Variants in COL27A1 observed in about 807,000 individuals in gnomAD.
COL27A1 encodes collagen alpha-1(XXVII) chain.
COL27A1 carries 106 observed loss-of-function variants against 251.3 expected under a neutral mutation model. The observed-to-expected ratio is 0.42, with a 90% CI of 0.36 to 0.50. The LOEUF (loss-of-function observed/expected upper bound fraction) is 0.50. Among genes scored for constraint, COL27A1 ranks in the 20% least tolerant of loss-of-function variants. The pLI is 0.00. For missense variants in COL27A1, 2,325 were observed against 2,522.8 expected, an observed-to-expected ratio of 0.92 and a Z score of 1.68; for synonymous variants, 1,000 against 986.3, an observed-to-expected ratio of 1.01 and a Z score of -0.26.
intron 5 of COL27A1, among the ~76,000 whole-genome samples, chr9:114,184,484 C>G (rs540213540): frequency 3.7e-4 from 56 of 152,308 alleles, no homozygotes; most frequent in African/African-American, 1.3e-3. Flanking sequence ...CTGGCCTCAG[C>G]CCCTCTAGAT....
intron 4 of COL27A1, among the ~76,000 whole-genome samples, chr9:114,182,175 T>TAAAATAATAATAATAAAATAATA (rs1827969458): frequency 4.6e-5 from 2 of 43,910 alleles, no homozygotes; most frequent in Non-Finnish European, 1.2e-4. Flanking sequence ...TCCATCTCTA[T>TAAAATAATAATAATAAAATAATA]AAAATAATAA....
intron 12 of COL27A1, among the ~76,000 whole-genome samples, chr9:114,212,732 A>AGTAT (rs57336301): frequency 0.077 from 11,656 of 152,288 alleles, 493 homozygotes; most frequent in African/African-American, 0.1. Flanking sequence ...TGGGGACAAT[A>AGTAT]GTATGGCTCA....
intron 3 of COL27A1, among the ~76,000 whole-genome samples, chr9:114,173,719 G>A (rs1280645639): frequency 6.6e-6 from 1 of 151,988 alleles, no homozygotes; most frequent in East Asian, 1.9e-4. Context: ...GGGGAGGGGA[G>A]TAAAGCACAT....
intron 24 of COL27A1, among the ~76,000 whole-genome samples, chr9:114,248,154 C>A (rs1323428984): frequency 6.6e-6 from 1 of 152,190 alleles, no homozygotes; most frequent in African/African-American, 2.4e-5. Flanking sequence ...CCAATGCCTG[C>A]CTCGAGGGCT....
chr9:114,287,906 G>A (rs1188963464), intron 41 of COL27A1, among the ~76,000 whole-genome samples: 3 of 152,184 alleles, frequency 2.0e-5, no homozygotes, highest in Non-Finnish European at 4.4e-5. Context: ...AATCGCATCT[G>A]CTTCACAGCA....
At chr9:114,228,977 A>G (rs1831724207) in intron 14 of COL27A1, among the ~76,000 whole-genome samples, 1 of 152,066 alleles carries the variant, frequency 6.6e-6, no homozygotes, top group Non-Finnish European at 1.5e-5. Context: ...ATGCATCACC[A>G]TGTCCAGCTA....
Position 114,169,131 on chromosome 9 carries a change from C to A in COL27A1, c.1576C>A (p.Pro526Thr). 2 of 1,614,172 alleles carry A rather than the reference C, an allele frequency of 1.2e-6. No homozygotes were observed. The highest frequency in any genetic ancestry group is 8.5e-7 in the Non-Finnish European group (1 of 1,180,030). ...CAGAACAGCACCTGCCGTCCCCACT[C>A]CTGGCTCAGCTCCCACTGGAAGCAA... is the stretch of plus-strand genomic sequence containing the variant. ...TPRTAPAVPTPGSAPTGSKKP... is the reference protein window; with the variant it reads ...TPRTAPAVPTTGSAPTGSKKP... Residue 526 changes from proline to threonine, a missense_variant, in exon 3 of 61, where the codon CCT becomes ACT. Pro to Thr is a conservative substitution (Grantham distance 38). This residue lies in a region of COL27A1 where 1,183 missense variants were observed against 1,144.1 expected (regional missense o/e 1.03). Coordinates refer to ENST00000356083, the MANE Select transcript of COL27A1 (RefSeq NM_032888.4).
chr9:114,291,866 G>A (rs1186127850), intron 48 of COL27A1, among the ~76,000 whole-genome samples: 1 of 152,180 alleles, frequency 6.6e-6, no homozygotes, highest in Admixed American at 6.5e-5. Flanking sequence ...GGAATTGTGG[G>A]AGAGGAGAGG....
At chr9:114,188,400 C>T (rs1435267334) in intron 5 of COL27A1, among the ~76,000 whole-genome samples, 1 of 152,142 alleles carries the variant, frequency 6.6e-6, no homozygotes, top group Non-Finnish European at 1.5e-5. Flanking sequence ...CAAGTCTCAT[C>T]TCCCACCTCA....
At chr9:114,245,164 T>G (rs1354301700) in intron 23 of COL27A1, among the ~76,000 whole-genome samples, 6 of 143,856 alleles carry the variant, frequency 4.2e-5, no homozygotes, top group East Asian at 2.0e-4. Context: ...TTTTTTTTTT[T>G]TTTTTTTTTT....
chr9:114,197,832 C>T (rs143105306), intron 7 of COL27A1, among the ~76,000 whole-genome samples: 6 of 152,220 alleles, frequency 3.9e-5, no homozygotes, highest in Admixed American at 6.5e-5. Flanking sequence ...AGAAGAGTTT[C>T]GTCTGTGGCA....
intron 29 of COL27A1, 61 bp from the exon 30 acceptor site, chr9:114,264,862 CT>C: frequency 1.9e-6 from 3 of 1,549,906 alleles, no homozygotes; most frequent in Non-Finnish European, 1.8e-6. Flanking sequence ...GGAGGGGTCC[CT>C]TTTTGGGGAA....
Position 114,155,847 on chromosome 9 carries a change from C to T in COL27A1, c.-104C>T, listed in dbSNP as rs1187952095. 3.2e-6 allele frequency: 3 copies of T among 923,228 alleles called. No individual in the cohort carries two copies. Among genetic ancestry groups the T allele is most frequent in the Non-Finnish European group, 3.9e-6 (3 of 765,582 alleles). The allele number at this position is 923,228 out of a possible 1,614,324, so 57.2% of individuals were successfully genotyped here. A position where few individuals can be genotyped will look rare whatever the true frequency, so the allele number is the denominator to read the frequency against. On this transcript the variant is annotated 5_prime_UTR_variant, in exon 1 of 61. Coordinates refer to ENST00000356083, the MANE Select transcript of COL27A1 (RefSeq NM_032888.4). This position sits in a 1 kb window ranked among gnomAD's most constrained non-coding sequence, Gnocchi z 5.5. ...GGCTGCGCTGGGGGCGCGGGGGCCG[C>T]GCGCTCTAAGCCGGCCTGGCGCGGC...
chr9:114,258,102 C>T (rs181358720), intron 27 of COL27A1, among the ~76,000 whole-genome samples: 41 of 152,228 alleles, frequency 2.7e-4, no homozygotes, highest in South Asian at 2.1e-4. Context: ...GAGGCTGAGG[C>T]GGGGGGATCA....
intron 1 of COL27A1, 60 bp from the exon 2 acceptor site, chr9:114,162,655 G>A (rs560601394): frequency 2.2e-5 from 28 of 1,280,114 alleles, no homozygotes; most frequent in African/African-American, 1.8e-4. Context: ...TTCCCCAGCC[G>A]GATCCGGGTG....
chr9:114,301,026 C>T, intron 51 of COL27A1, 46 bp from the exon 52 acceptor site: 2 of 1,555,848 alleles, frequency 1.3e-6, no homozygotes, highest in Non-Finnish European at 1.7e-6. Context: ...GTGTCTGTTC[C>T]CCAGGCCCTG....
chr9:114,270,599 C>T (rs1205888103), intron 35 of COL27A1, 129 bp from the exon 36 acceptor site: 1 of 662,620 alleles, frequency 1.5e-6, no homozygotes, highest in Non-Finnish European at 2.6e-6. Context: ...TGTGCCAGGG[C>T]CCCCAGGGTC....
At position 114,197,850 on chromosome 9, in the gene COL27A1, G is replaced by A. The variant is rs115254183; in HGVS notation, c.2124+1838G>A. Among the ~76,000 whole-genome samples the A allele has an allele frequency of 7.8e-3, 1,185 of 152,338 alleles. 11 individuals carry two copies. Among genetic ancestry groups the A allele is most frequent in the African/African-American group, 0.027 (1,127 of 41,582 alleles). The stretch of plus-strand genomic sequence containing the variant: ...AGAGTTTCGTCTGTGGCAGGCTGGC[G>A]TCACCCACTTACAGAGGGTGCTGGG... On this transcript the variant is annotated intron_variant, in intron 7 of 60. Coordinates refer to ENST00000356083, the MANE Select transcript of COL27A1 (RefSeq NM_032888.4).
intron 39 of COL27A1, 118 bp downstream of exon 39, chr9:114,282,682 C>A: frequency 1.5e-6 from 1 of 650,680 alleles, no homozygotes. Flanking sequence ...ATTAGCTGAA[C>A]ACCTGGTGCT....
Sources: allele counts gnomAD v4.1 joint callset (sites outside exome capture counted in the v4.1 genomes callset), GRCh38; gene constraint gnomAD v4.1.1; regional missense constraint gnomAD v4.1.1; non-coding constraint Gnocchi (gnomAD v3.1); transcripts MANE v1.5; gene names NCBI Gene and HGNC (gene_info 2026-07-23, HGNC 2026-07-21).